PPARGC1B: variants seen among roughly 807,000 people sequenced by gnomAD.
The protein encoded by PPARGC1B is peroxisome proliferator-activated receptor gamma coactivator 1-beta.
PPARGC1B carries 34 observed loss-of-function variants against 101.6 expected under a neutral mutation model. The ratio of observed to expected loss-of-function variants is 0.33; its 90% CI spans 0.25 to 0.45. PPARGC1B has a LOEUF of 0.45. Among genes scored for constraint, PPARGC1B ranks in the 20% least tolerant of loss-of-function variants. The probability of loss-of-function intolerance (pLI) is 1.00; values close to 1 mark genes in which losing one functional copy is unlikely to be tolerated. For synonymous variants in PPARGC1B, 548 were observed against 539.3 expected (o/e 1.02, Z -0.22); for missense variants, 1,234 against 1,317.6 (o/e 0.94, Z 0.98).
chr5:149,822,758 C>A (rs1758353254), intron 2 of PPARGC1B, among the ~76,000 whole-genome samples: 1 of 152,224 alleles, frequency 6.6e-6, no homozygotes, highest in African/African-American at 2.4e-5. Context: ...ACACTTTATT[C>A]ATCTCTGGGG....
At chr5:149,799,731 C>G (rs1352269544) in intron 1 of PPARGC1B, among the ~76,000 whole-genome samples, 1 of 101,290 alleles carries the variant, frequency 9.9e-6, no homozygotes, top group African/African-American at 3.9e-5. Flanking sequence ...AAGTCTTGCT[C>G]TTGTCACCCA....
At position 149,837,731 on chromosome 5, in the gene PPARGC1B, G is replaced by A. The variant is rs1252523887; in HGVS notation, c.2618+658G>A. On this transcript the variant is annotated intron_variant, in intron 8 of 11. Coordinates refer to ENST00000309241, the MANE Select transcript of PPARGC1B (RefSeq NM_133263.4). The surrounding 1 kb of genome is among the most constrained non-coding windows in gnomAD (Gnocchi z 4.2). Reference sequence around the variant, plus strand: ...TGGGGAGCTGGGCAGAAAAAATGGAGGTTTGGCAGATTCAGAGGGTACTGG... The same window carrying A: ...TGGGGAGCTGGGCAGAAAAAATGGAAGTTTGGCAGATTCAGAGGGTACTGG... 1.3e-5 allele frequency among the ~76,000 whole-genome samples: 2 copies of A among 152,194 alleles called. No homozygotes were observed. The highest frequency in any genetic ancestry group is 4.8e-5 in the African/African-American group (2 of 41,470).
At chr5:149,744,498 A>G (rs1755019164) in intron 1 of PPARGC1B, among the ~76,000 whole-genome samples, 1 of 152,224 alleles carries the variant, frequency 6.6e-6, no homozygotes, top group East Asian at 1.9e-4. Context: ...TGGTGAAGAC[A>G]GTGTATCGTG....
chr5:149,821,594 A>G (rs971844607), intron 2 of PPARGC1B, among the ~76,000 whole-genome samples: 6 of 152,208 alleles, frequency 3.9e-5, no homozygotes, highest in African/African-American at 1.4e-4. Flanking sequence ...TGGCAGTATA[A>G]TAATAATAAC....
rs376720503 is a variant in PPARGC1B at position 149,833,621 on chromosome 5, C to T, written c.1548C>T (p.Tyr516=). 6.2e-5 allele frequency: 99 copies of T among 1,608,862 alleles called. No individual in the cohort carries two copies. The highest frequency in any genetic ancestry group is 1.7e-4 in the African/African-American group (13 of 74,816). ...CACTGTGCCTGGCTCCCAAGGCCTA[C>T]GACGTAGAGCGGGAGCTGGGCAGCC... ...LPSLCLAPKA[Y]DVERELGSPT... The change falls in exon 5 of 12, where the codon TAC becomes TAT. Residue 516 remains tyrosine, a synonymous_variant. Transcript: ENST00000309241. The surrounding 1 kb of genome is among the most constrained non-coding windows in gnomAD (Gnocchi z 4.1).
intron 1 of PPARGC1B, among the ~76,000 whole-genome samples, chr5:149,799,546 A>T: frequency 6.6e-6 from 1 of 152,082 alleles, no homozygotes; most frequent in Non-Finnish European, 1.5e-5. Context: ...GCTCCTGCTG[A>T]TATGTATGTG....
At chr5:149,817,572 G>C (rs559267012) in intron 1 of PPARGC1B, 106 of 372,798 alleles carry the variant, frequency 2.8e-4, no homozygotes, top group South Asian at 2.1e-3. Flanking sequence ...CACTAACTCA[G>C]TCTAGAATGA....
chr5:149,837,091 C>T lies in PPARGC1B; in HGVS notation c.2618+18C>T. 1 of 1,583,286 alleles carries T rather than the reference C, an allele frequency of 6.3e-7. No homozygotes were observed. The highest frequency in any genetic ancestry group is 1.1e-5 in the South Asian group (1 of 87,928). Reference sequence around the variant, plus strand: ...AACTTCAGGTATGAACAGGGGGCTGCAGGAGAGGCAGCGGGCAGTGGAGGA... The same window carrying T: ...AACTTCAGGTATGAACAGGGGGCTGTAGGAGAGGCAGCGGGCAGTGGAGGA... On this transcript the variant is annotated intron_variant, in intron 8 of 11. Transcript: ENST00000309241. The surrounding 1 kb of genome is among the most constrained non-coding windows in gnomAD (Gnocchi z 4.2).
chr5:149,772,187 T>C, intron 1 of PPARGC1B: 1 of 1,605,568 alleles, frequency 6.2e-7, no homozygotes, highest in East Asian at 2.2e-5. Flanking sequence ...TGGTGAAGGC[T>C]TTTTCTGTGA....
Position 149,730,440 on chromosome 5 carries a change from C to T in PPARGC1B, c.78+20C>T. The stretch of plus-strand genomic sequence containing the variant: ...ACGCAGGTACGGCCGGCTGGGGCTG[C>T]GGGCCCGGGGCCAGGGGTGCTGAGC... On this transcript the variant is annotated intron_variant, in intron 1 of 11. Transcript: ENST00000309241. This position sits in a 1 kb window ranked among gnomAD's most constrained non-coding sequence, Gnocchi z 4.0. 2.6e-6 allele frequency: 4 copies of T among 1,530,418 alleles called. No homozygotes were observed. The highest frequency in any genetic ancestry group is 1.2e-5 in the South Asian group (1 of 81,398). 94.8% of individuals were successfully genotyped at this position (1,530,418 alleles called of 1,614,324 possible). A position where few individuals can be genotyped will look rare whatever the true frequency, so the allele number is the denominator to read the frequency against.
chr5:149,755,052 C>CATATATATATAT (rs1199839991), intron 1 of PPARGC1B, among the ~76,000 whole-genome samples: 3,484 of 108,642 alleles, frequency 0.032, 61 homozygotes, highest in Middle Eastern at 0.045. Flanking sequence ...TATACATATA[C>CATATATATATAT]ATATATATAT....
intron 1 of PPARGC1B, among the ~76,000 whole-genome samples, chr5:149,799,966 T>C (rs1561554434): frequency 6.6e-6 from 1 of 152,130 alleles, no homozygotes; most frequent in Non-Finnish European, 1.5e-5. Flanking sequence ...CCCAAAGTGC[T>C]GGGATTACAG....
chr5:149,794,813 G>A (rs544061296), intron 1 of PPARGC1B, among the ~76,000 whole-genome samples: 2 of 152,360 alleles, frequency 1.3e-5, no homozygotes, highest in South Asian at 2.1e-4. Context: ...CTGATGAAGC[G>A]TTGTCTGCCC....
chr5:149,750,121 A>G (rs1755232746), intron 1 of PPARGC1B, among the ~76,000 whole-genome samples: 1 of 152,100 alleles, frequency 6.6e-6, no homozygotes, highest in Non-Finnish European at 1.5e-5. Flanking sequence ...GAAATTTGTC[A>G]TGGGATCATG....
At chr5:149,755,088 T>C (rs1273239177) in intron 1 of PPARGC1B, among the ~76,000 whole-genome samples, 1 of 146,974 alleles carries the variant, frequency 6.8e-6, no homozygotes, top group African/African-American at 2.5e-5. Context: ...TTTTTTCTTT[T>C]AGTAAAGGAA....
intron 8 of PPARGC1B, among the ~76,000 whole-genome samples, chr5:149,838,652 A>C (rs950853599): frequency 6.6e-6 from 1 of 152,062 alleles, no homozygotes; most frequent in South Asian, 2.1e-4. Context: ...GCATTCATAG[A>C]ATTGCCTGGG....
intron 1 of PPARGC1B, among the ~76,000 whole-genome samples, chr5:149,790,024 A>G (rs1046537324): frequency 2.6e-5 from 4 of 152,140 alleles, no homozygotes; most frequent in Admixed American, 1.3e-4. Context: ...CGCCTCTACC[A>G]CTTCTAGCTG....
Position 149,832,915 on chromosome 5 carries a change from A to G in PPARGC1B, c.842A>G (p.Gln281Arg), listed in dbSNP as rs144040469. The G allele has an allele frequency of 1.4e-5, 23 of 1,613,054 alleles. No homozygotes were observed. In the African/African-American group the frequency reaches 3.1e-4, roughly 22 times the overall value. Residue 281 changes from glutamine to arginine, a missense_variant, in exon 5 of 12, where the codon CAG becomes CGG. By Grantham distance (43) the Gln-to-Arg change is conservative (BLOSUM62 1). Around this residue, in one of 3 missense-constraint regions of PPARGC1B, gnomAD observed 734 missense variants for 768.4 expected, o/e 0.96. Coordinates refer to ENST00000309241, the MANE Select transcript of PPARGC1B (RefSeq NM_133263.4). This position sits in a 1 kb window ranked among gnomAD's most constrained non-coding sequence, Gnocchi z 4.9. ...GRADPGAPVS[Q>R]EDMQAMVQLI... ...GCAGACCCCGGTGCCCCGGTTTCCC[A>G]GGAAGACATGCAGGCGATGGTGCAA...
At chr5:149,745,000 C>T (rs1209691030) in intron 1 of PPARGC1B, among the ~76,000 whole-genome samples, 1 of 150,534 alleles carries the variant, frequency 6.6e-6, no homozygotes, top group Non-Finnish European at 1.5e-5. Flanking sequence ...CTCTTGGGCT[C>T]AAGGGATCCT....
Sources: allele counts gnomAD v4.1 joint callset (sites outside exome capture counted in the v4.1 genomes callset), GRCh38; gene constraint gnomAD v4.1.1; regional missense constraint gnomAD v4.1.1; non-coding constraint Gnocchi (gnomAD v3.1); transcripts MANE v1.5; gene names NCBI Gene and HGNC (gene_info 2026-07-23, HGNC 2026-07-21).